Variants in AMBRA1 observed in about 807,000 individuals in gnomAD.
AMBRA1 encodes activating molecule in BECN1-regulated autophagy protein 1.
In AMBRA1, 47 loss-of-function variants were observed where a neutral mutation model predicts 125.4. The ratio of observed to expected loss-of-function variants is 0.37; its 90% CI spans 0.30 to 0.48. The LOEUF (loss-of-function observed/expected upper bound fraction) is 0.48. Among genes scored for constraint, AMBRA1 ranks in the 20% least tolerant of loss-of-function variants. AMBRA1 has a pLI of 0.99. For missense variants in AMBRA1, 1,331 were observed against 1,693.4 expected (o/e 0.79, Z 3.76); for synonymous variants, 626 against 655.5 (o/e 0.95, Z 0.69).
chr11:46,544,391 T>C (rs1277634147), intron 5 of AMBRA1, among the ~76,000 whole-genome samples: 1 of 152,086 alleles, frequency 6.6e-6, no homozygotes, highest in Non-Finnish European at 1.5e-5. Context: ...AATCAGTTCT[T>C]CCCTCATATG....
In AMBRA1 at chr11:46,552,229, C is replaced by T. The variant is rs565338042; in HGVS notation, c.-120-3729G>A. Among the ~76,000 whole-genome samples, 9 of 149,080 alleles carry T rather than the reference C, an allele frequency of 6.0e-5. No homozygotes were observed. The South Asian group carries it at 1.5e-3, about 25-fold the overall frequency. The stretch of plus-strand genomic sequence containing the variant: ...ACTGAAAATACAAAAATTAGCCGGG[C>T]GTGGTGGTGCACACCTGTAATCCCA... On this transcript the variant is annotated intron_variant, in intron 1 of 17. Transcript: ENST00000683756.
chr11:46,485,501 T>C (rs1385808260), intron 11 of AMBRA1, among the ~76,000 whole-genome samples: 1 of 152,222 alleles, frequency 6.6e-6, no homozygotes, highest in Non-Finnish European at 1.5e-5. Context: ...GGGGAATTAG[T>C]AAATTTTTAG....
chr11:46,448,277 C>A (rs1405046582), intron 11 of AMBRA1, among the ~76,000 whole-genome samples: 1 of 152,122 alleles, frequency 6.6e-6, no homozygotes, highest in Non-Finnish European at 1.5e-5. Context: ...TACAAGAGAA[C>A]TAAACTAGAA....
chr11:46,410,380 T>C lies in AMBRA1; in HGVS notation c.3117-12A>G, dbSNP rs1486996537. ...CAGAGTTTAAGGCCCTAAAAATCAG[T>C]TGGGAAGGGTAAAGAAGAAGGTGAA... On this transcript the variant is annotated splice_polypyrimidine_tract_variant and intron_variant, in intron 15 of 17. Coordinates refer to ENST00000683756, the MANE Select transcript of AMBRA1 (RefSeq NM_001387011.1). The C allele has an allele frequency of 6.2e-7, 1 of 1,611,368 alleles. No individual in the cohort carries two copies.
chr11:46,570,751 T>C (rs887763760), intron 1 of AMBRA1, among the ~76,000 whole-genome samples: 3 of 152,030 alleles, frequency 2.0e-5, no homozygotes, highest in Non-Finnish European at 4.4e-5. Context: ...TATTAACACA[T>C]GACAACAGAA....
intron 7 of AMBRA1, among the ~76,000 whole-genome samples, chr11:46,514,133 C>A (rs1181520662): frequency 1.3e-5 from 2 of 152,226 alleles, no homozygotes; most frequent in Non-Finnish European, 2.9e-5. Flanking sequence ...CCAGACTCTT[C>A]TTTAAAGCAG....
intron 1 of AMBRA1, among the ~76,000 whole-genome samples, chr11:46,587,035 A>G (rs2044427357): frequency 6.6e-6 from 1 of 152,230 alleles, no homozygotes; most frequent in African/African-American, 2.4e-5. Context: ...GAGAGTAGAA[A>G]TAAGTGATGA....
At chr11:46,591,562 A>C (rs1259549317) in intron 1 of AMBRA1, 1 of 152,286 alleles carries the variant, frequency 6.6e-6, no homozygotes, top group Non-Finnish European at 1.5e-5. Context: ...TGCACCCTTA[A>C]AACCACTCTC....
chr11:46,397,745 G>C lies in AMBRA1; in HGVS notation c.3602C>G (p.Ala1201Gly). 6.2e-7 allele frequency: 1 copy of C among 1,612,870 alleles called. No homozygotes were observed. ...GGAGGGCTGGGGTGAGGAGGTGTGG[G>C]CGGCACCAGGTTCAGTGCCCGTCTG... is the stretch of plus-strand genomic sequence containing the variant. ...SSQTGTEPGA[A>G]HTSSPQPSTS... Residue 1201 changes from alanine to glycine, a missense_variant, in exon 18 of 18, where the codon GCC (alanine) becomes GGC (glycine). Coordinates refer to ENST00000683756, the MANE Select transcript of AMBRA1 (RefSeq NM_001387011.1).
intron 14 of AMBRA1, among the ~76,000 whole-genome samples, chr11:46,419,120 C>A (rs1476031245): frequency 6.6e-6 from 1 of 152,200 alleles, no homozygotes; most frequent in Non-Finnish European, 1.5e-5. Context: ...AGAGGGGAAT[C>A]GTGAACATTC....
At position 46,542,075 on chromosome 11, in the gene AMBRA1, C is replaced by A; in HGVS notation, c.1942G>T (p.Val648Leu). ...TGGCCTGTCTCCTGGTTAAAGGCCA[C>A]CCCCACAGTCCTCTCCTCCTGCGGA... is the stretch of plus-strand genomic sequence containing the variant. ...ASPQEERTVG[V>L]AFNQETGHWE... The change falls in exon 7 of 18, where the codon GTG becomes TTG. Residue 648 changes from valine to leucine, a missense_variant. By Grantham distance (32) the Val-to-Leu change is conservative. Coordinates refer to ENST00000683756, the MANE Select transcript of AMBRA1 (RefSeq NM_001387011.1). This position sits in a 1 kb window ranked among gnomAD's most constrained non-coding sequence, Gnocchi z 5.9. The A allele has an allele frequency of 6.2e-7, 1 of 1,613,798 alleles. No homozygotes were observed.
chr11:46,473,070 AG>A (rs1318868615), intron 11 of AMBRA1, among the ~76,000 whole-genome samples: 1 of 152,266 alleles, frequency 6.6e-6, no homozygotes, highest in Non-Finnish European at 1.5e-5. Flanking sequence ...ATGTTAGGAA[AG>A]TCAGTCTGCC....
chr11:46,525,503 G>A (rs1023199969), intron 7 of AMBRA1, among the ~76,000 whole-genome samples: 1 of 152,048 alleles, frequency 6.6e-6, no homozygotes, highest in Non-Finnish European at 1.5e-5. Flanking sequence ...CCAGTACTTC[G>A]GAAGGCCAAG....
chr11:46,444,283 C>T (rs969197909), intron 11 of AMBRA1, among the ~76,000 whole-genome samples: 1 of 152,202 alleles, frequency 6.6e-6, no homozygotes, highest in African/African-American at 2.4e-5. Flanking sequence ...CCCCTAAGAA[C>T]CTCCTTGAAT....
intron 8 of AMBRA1, among the ~76,000 whole-genome samples, chr11:46,511,458 A>G (rs1391877522): frequency 6.6e-6 from 1 of 152,236 alleles, no homozygotes; most frequent in Admixed American, 6.5e-5. Context: ...GTGTCATGAC[A>G]TAACTGTGGC....
chr11:46,588,250 T>C (rs1304754395), intron 1 of AMBRA1, among the ~76,000 whole-genome samples: 2 of 152,146 alleles, frequency 1.3e-5, no homozygotes, highest in Non-Finnish European at 2.9e-5. Flanking sequence ...GGGAATCACT[T>C]GAACCTGGGA....
In AMBRA1 at chr11:46,543,985, G is replaced by A. The variant is rs1952876846; in HGVS notation, c.608C>T (p.Ser203Phe). Residue 203 changes from serine (S) to phenylalanine (F), a missense_variant, in exon 6 of 18, where the codon TCT becomes TTT. By Grantham distance (155) the Ser-to-Phe change is radical. Around this residue, in one of 4 missense-constraint regions of AMBRA1, gnomAD observed 689 missense variants for 776.5 expected, o/e 0.89. Transcript: ENST00000683756. ...HYLLTAIVNP[S>F]NQQGDDEPEI... ...GCTGGACTAACTTACCTGTTGATTA[G>A]AGGGGTTAACAATTGCTGTGAGTAA... 2.5e-6 allele frequency: 4 copies of A among 1,613,796 alleles called. No homozygotes were observed. Among genetic ancestry groups the A allele is most frequent in the Non-Finnish European group, 3.4e-6 (4 of 1,179,772 alleles).
chr11:46,435,085 T>C (rs967851434), intron 12 of AMBRA1, 48 bp from the exon 13 acceptor site: 10 of 1,496,816 alleles, frequency 6.7e-6, no homozygotes, highest in Non-Finnish European at 1.8e-6. Context: ...TTGGAGTTGA[T>C]ACTGTAAAAA....
chr11:46,491,845 T>G (rs1231572322), intron 11 of AMBRA1, among the ~76,000 whole-genome samples: 1 of 151,920 alleles, frequency 6.6e-6, no homozygotes, highest in Non-Finnish European at 1.5e-5. Flanking sequence ...AGGCATAAAG[T>G]AGGAAACAGG....
Sources: gnomAD v4.1 joint callset for allele counts (sites outside exome capture counted in the v4.1 genomes callset) on GRCh38, gnomAD v4.1.1 for gene constraint, gnomAD v4.1.1 regional missense constraint, Gnocchi (gnomAD v3.1) non-coding constraint, MANE v1.5 for transcripts, NCBI Gene and HGNC (gene_info 2026-07-23, HGNC 2026-07-21) for gene names.